The following PCYT1B variants were observed in gnomAD, a reference collection of about 807,000 sequenced individuals.
PCYT1B encodes the protein choline-phosphate cytidylyltransferase B.
In PCYT1B, 10 loss-of-function variants were observed where a neutral mutation model predicts 26.4. That is an observed-to-expected ratio of 0.38 (90% confidence interval 0.23 to 0.64). PCYT1B has a LOEUF of 0.64. PCYT1B is among the 30% of genes least tolerant of loss of function. The pLI is 0.56. For missense variants in PCYT1B, 161 were observed against 292.7 expected, an observed-to-expected ratio of 0.55 and a Z score of 3.28; for synonymous variants, 131 against 108.4, an observed-to-expected ratio of 1.21 and a Z score of -1.29.
intron 7 of PCYT1B, among the ~76,000 whole-genome samples, chrX:24,567,909 A>C (rs979173029): frequency 3.6e-5 from 4 of 111,634 alleles, no homozygotes; most frequent in African/African-American, 1.3e-4. Context: ...AGATCATGCC[A>C]TTGCACTCCA....
chrX:24,651,633 C>G (rs184222427), upstream of PCYT1B, among the ~76,000 whole-genome samples: 415 of 101,951 alleles, frequency 4.1e-3, 3 homozygotes, highest in Non-Finnish European at 6.2e-3. Flanking sequence ...AGGTGATCCT[C>G]CCACCTCAGC....
intron 3 of PCYT1B, among the ~76,000 whole-genome samples, chrX:24,593,458 T>C (rs1924657865): frequency 6.3e-5 from 1 of 15,824 alleles, no homozygotes; most frequent in Non-Finnish European, 1.0e-4. Context: ...TTCTTTTCTT[T>C]TCTTTTCTTT....
At chrX:24,644,149 A>C (rs1362901072) in intron 1 of PCYT1B, among the ~76,000 whole-genome samples, 3 of 112,520 alleles carry the variant, frequency 2.7e-5, no homozygotes, top group African/African-American at 9.7e-5. Flanking sequence ...AGTAGTTAGC[A>C]TGTGCCTTAG....
intron 2 of PCYT1B, among the ~76,000 whole-genome samples, chrX:24,611,301 C>T (rs900564599): frequency 1.8e-5 from 2 of 110,979 alleles, no homozygotes; most frequent in Non-Finnish European, 3.8e-5. Context: ...CAGAGTATGG[C>T]TTTTTAGTTT....
chrX:24,575,051 C>A, intron 7 of PCYT1B, 79 bp downstream of exon 7: 2 of 801,749 alleles, frequency 2.5e-6, no homozygotes, highest in Non-Finnish European at 3.5e-6. Flanking sequence ...AGATAAGGGG[C>A]ACCCTTGAGT....
chrX:24,621,869 T>C, intron 1 of PCYT1B: 1 of 729,170 alleles, frequency 1.4e-6, no homozygotes, highest in South Asian at 7.0e-5. Context: ...TGGTGTGTTC[T>C]TGATGGTGTG....
At chrX:24,607,218 A>G (rs1441537140) in intron 3 of PCYT1B, among the ~76,000 whole-genome samples, 1 of 112,214 alleles carries the variant, frequency 8.9e-6, no homozygotes, top group African/African-American at 3.2e-5. Flanking sequence ...ACCTCGGTAT[A>G]TAAATCTCCA....
upstream of PCYT1B, among the ~76,000 whole-genome samples, chrX:24,648,216 A>G (rs990091372): frequency 1.8e-5 from 2 of 111,315 alleles, no homozygotes; most frequent in African/African-American, 6.6e-5. Flanking sequence ...CATTCTGAAG[A>G]CACACATCCA....
chrX:24,664,874 C>T (rs1457036652), intron 1 of PCYT1B, among the ~76,000 whole-genome samples: 1 of 111,649 alleles, frequency 9.0e-6, no homozygotes, highest in Non-Finnish European at 1.9e-5. Context: ...AGGACAATCG[C>T]TTGAACCTGG....
intron 2 of PCYT1B, 33 bp downstream of exon 2, chrX:24,618,952 G>C: frequency 1.1e-6 from 1 of 934,542 alleles, no homozygotes; most frequent in Non-Finnish European, 1.5e-6. Context: ...TGTCAAGACA[G>C]GGCCCATTTA....
intron 5 of PCYT1B, among the ~76,000 whole-genome samples, 184 bp downstream of exon 5, chrX:24,587,057 G>A (rs763643333): frequency 8.9e-6 from 1 of 112,061 alleles, no homozygotes; most frequent in Non-Finnish European, 1.9e-5. Context: ...TACCTAAATG[G>A]TATCTGTGCC....
At chrX:24,572,018 G>C (rs1191028157) in intron 7 of PCYT1B, among the ~76,000 whole-genome samples, 1 of 111,283 alleles carries the variant, frequency 9.0e-6, no homozygotes, top group Non-Finnish European at 1.9e-5. Flanking sequence ...AAATGTGTGA[G>C]TCAGGTTAGG....
intron 1 of PCYT1B, among the ~76,000 whole-genome samples, chrX:24,640,384 TTC>T (rs755123337): frequency 1.2e-4 from 13 of 112,568 alleles, no homozygotes; most frequent in Non-Finnish European, 1.5e-4. Context: ...TGAGAAATAC[TTC>T]TCTGTCTTCT....
Position 24,591,642 on chromosome X carries a change from C to T in PCYT1B, c.335-1468G>A, listed in dbSNP as rs147011961. 8.3e-3 allele frequency among the ~76,000 whole-genome samples: 917 copies of T among 110,627 alleles called. 6 individuals are homozygous for T. Among genetic ancestry groups the T allele is most frequent in the Non-Finnish European group, 0.013 (679 of 52,941 alleles). ...TTCACCATGTTGGCCAGGCTGGTCT[C>T]GAACTCCTGACTGCAAGTGATCCAC... On this transcript the variant is annotated intron_variant, in intron 3 of 7. Transcript: ENST00000379144.
chrX:24,596,069 G>A (rs1422059293), intron 3 of PCYT1B, among the ~76,000 whole-genome samples: 1 of 112,105 alleles, frequency 8.9e-6, no homozygotes, highest in Non-Finnish European at 1.9e-5. Flanking sequence ...CTGCGAAGCA[G>A]AGGTGGCTAT....
At chrX:24,564,668 A>G (rs764019902) in intron 7 of PCYT1B, among the ~76,000 whole-genome samples, 44 of 110,964 alleles carry the variant, frequency 4.0e-4, no homozygotes, top group Non-Finnish European at 7.6e-4. Flanking sequence ...GTGAGTTTTG[A>G]CAATGCATAC....
chrX:24,650,336 T>TC (rs1262970677), upstream of PCYT1B, among the ~76,000 whole-genome samples: 23 of 88,416 alleles, frequency 2.6e-4, no homozygotes, highest in African/African-American at 8.6e-4. Context: ...TTTTTTTTTT[T>TC]TTCAGACAGG....
intron 1 of PCYT1B, among the ~76,000 whole-genome samples, chrX:24,656,889 G>T (rs113836046): frequency 3.6e-5 from 4 of 110,943 alleles, no homozygotes; most frequent in African/African-American, 9.8e-5. Flanking sequence ...GTTTAAGAAG[G>T]TCTTAAAAGA....
At chrX:24,645,033 T>C (rs754618194) in intron 1 of PCYT1B, among the ~76,000 whole-genome samples, 24 of 111,309 alleles carry the variant, frequency 2.2e-4, no homozygotes, top group African/African-American at 7.8e-4. Flanking sequence ...CACTGCACTC[T>C]AGCCTGGAGG....
Sources: gnomAD v4.1 joint callset for allele counts (sites outside exome capture counted in the v4.1 genomes callset) on GRCh38, gnomAD v4.1.1 for gene constraint, MANE v1.5 for transcripts, NCBI Gene and HGNC (gene_info 2026-07-23, HGNC 2026-07-21) for gene names.